FBXL7: variants seen among roughly 807,000 people sequenced by gnomAD.
FBXL7 encodes the protein F-box and leucine rich repeat protein 7, also known as F-box/LRR-repeat protein 7.
FBXL7 carries 12 observed loss-of-function variants against 38.3 expected under a neutral mutation model. That is an observed-to-expected ratio of 0.31 (90% CI 0.20 to 0.51). The LOEUF is 0.51. Among genes scored for constraint, FBXL7 ranks in the 20% least tolerant of loss-of-function variants. FBXL7 has a pLI of 0.98. For missense variants in FBXL7, 567 were observed against 676.4 expected, an observed-to-expected ratio of 0.84 and a Z score of 1.79; for synonymous variants, 297 against 300.9, an observed-to-expected ratio of 0.99 and a Z score of 0.13.
chr5:15,727,073 C>T (rs1046920826), intron 2 of FBXL7, among the ~76,000 whole-genome samples: 5 of 151,956 alleles, frequency 3.3e-5, no homozygotes, highest in African/African-American at 1.2e-4. Context: ...GAATTTATAC[C>T]AGCTTGGCTT....
intron 2 of FBXL7, among the ~76,000 whole-genome samples, chr5:15,794,492 A>C (rs1245218741): frequency 6.6e-6 from 1 of 152,238 alleles, no homozygotes; most frequent in Non-Finnish European, 1.5e-5. Context: ...AAATGACTGA[A>C]ATTTTAAAAG....
intron 2 of FBXL7, among the ~76,000 whole-genome samples, chr5:15,825,705 A>G (rs1192981612): frequency 6.6e-6 from 1 of 152,204 alleles, no homozygotes; most frequent in Non-Finnish European, 1.5e-5. Context: ...AGGCATTGTC[A>G]TCTGTTCCCT....
At chr5:15,501,569 C>G (rs2126339191) in intron 1 of FBXL7, 2 of 985,510 alleles carry the variant, frequency 2.0e-6, no homozygotes, top group East Asian at 1.1e-4. Flanking sequence ...TGGAAGAGAC[C>G]GGGTCAGTTT....
intron 3 of FBXL7, among the ~76,000 whole-genome samples, chr5:15,933,760 G>A (rs1742102479): frequency 1.3e-5 from 2 of 152,134 alleles, no homozygotes; most frequent in South Asian, 4.1e-4. Flanking sequence ...CTACCAGGAG[G>A]TGGGAGGAAG....
In FBXL7 at chr5:15,878,362, G is replaced by C. The variant is rs150371499; in HGVS notation, c.128-49528G>C. On this transcript the variant is annotated intron_variant, in intron 2 of 3. Coordinates refer to ENST00000504595, the MANE Select transcript of FBXL7 (RefSeq NM_012304.5). Reference sequence around the variant, plus strand: ...CTCAAAGTGATGCCCTACAAATAATGCCTTTCTGAGCTGTTAACCAAATAC... The same window carrying C: ...CTCAAAGTGATGCCCTACAAATAATCCCTTTCTGAGCTGTTAACCAAATAC... Among the ~76,000 whole-genome samples, 289 of 152,218 alleles carry C rather than the reference G, an allele frequency of 1.9e-3. 3 individuals are homozygous for C. The highest frequency in any genetic ancestry group is 6.6e-3 in the African/African-American group (274 of 41,530).
At chr5:15,604,793 G>A (rs1411084723) in intron 1 of FBXL7, among the ~76,000 whole-genome samples, 2 of 152,092 alleles carry the variant, frequency 1.3e-5, no homozygotes, top group Non-Finnish European at 2.9e-5. Flanking sequence ...GTATTGAGTG[G>A]GACAGTCCTT....
intron 2 of FBXL7, among the ~76,000 whole-genome samples, chr5:15,927,261 G>A (rs1042672098): frequency 6.6e-6 from 1 of 152,082 alleles, no homozygotes; most frequent in African/African-American, 2.4e-5. Flanking sequence ...TTGCAAGGGG[G>A]ACAGAGCCCA....
chr5:15,787,528 A>G (rs1190163564), intron 2 of FBXL7, among the ~76,000 whole-genome samples: 1 of 152,186 alleles, frequency 6.6e-6, no homozygotes, highest in Non-Finnish European at 1.5e-5. Flanking sequence ...AGGAGAAGGT[A>G]AGATCAAAAC....
intron 1 of FBXL7, chr5:15,501,728 G>A (rs909062335): frequency 3.1e-5 from 31 of 985,318 alleles, no homozygotes; most frequent in Middle Eastern, 1.0e-3. Flanking sequence ...CAGAATGTGG[G>A]TGTCTCTCCT....
chr5:15,693,642 C>T (rs1467317839), intron 2 of FBXL7, among the ~76,000 whole-genome samples: 1 of 152,146 alleles, frequency 6.6e-6, no homozygotes, highest in Non-Finnish European at 1.5e-5. Context: ...CAGTAAAAAC[C>T]CCAAGACCCT....
chr5:15,843,673 C>T (rs146109492), intron 2 of FBXL7, among the ~76,000 whole-genome samples: 39 of 152,178 alleles, frequency 2.6e-4, no homozygotes, highest in Non-Finnish European at 5.0e-4. Context: ...GAATTTGAGA[C>T]ATATTGCAAA....
chr5:15,726,485 G>C (rs1045394171), intron 2 of FBXL7, among the ~76,000 whole-genome samples: 1 of 152,084 alleles, frequency 6.6e-6, no homozygotes, highest in Non-Finnish European at 1.5e-5. Flanking sequence ...ACGAGATCAG[G>C]AGTTCGAGAC....
chr5:15,936,440 CTT>C lies in FBXL7; in HGVS notation c.740-8_740-7del, dbSNP rs748935681. The C allele has an allele frequency of 2.5e-5, 41 of 1,609,418 alleles. No individual in the cohort carries two copies. The highest frequency in any genetic ancestry group is 5.0e-5 in the Admixed American group (3 of 59,916). On this transcript the variant is annotated splice_polypyrimidine_tract_variant and splice_region_variant and intron_variant, in intron 3 of 3. Transcript: ENST00000504595. This position sits in a 1 kb window ranked among gnomAD's most constrained non-coding sequence, Gnocchi z 6.0. ...GTTGCTCTGAGCCTGTGTTCTGTCT[CTT>C]TGTGCAGGATGCTCCAAAGTGACCT...
intron 1 of FBXL7, among the ~76,000 whole-genome samples, chr5:15,528,580 T>C (rs983645766): frequency 3.9e-4 from 59 of 152,312 alleles, no homozygotes; most frequent in African/African-American, 1.4e-3. Context: ...GTAAACCCCT[T>C]ATAAAACCAT....
intron 2 of FBXL7, among the ~76,000 whole-genome samples, chr5:15,642,638 G>C (rs1031415624): frequency 6.6e-6 from 1 of 152,220 alleles, no homozygotes; most frequent in African/African-American, 2.4e-5. Context: ...TCTAGACTCA[G>C]TGGGTTGCCA....
chr5:15,763,502 T>C lies in FBXL7; in HGVS notation c.127+147430T>C, dbSNP rs1579442936. Among the ~76,000 whole-genome samples the C allele has an allele frequency of 2.0e-5, 3 of 152,174 alleles. No homozygotes were observed. In the East Asian group the frequency reaches 5.8e-4, roughly 29 times the overall value. Reference sequence around the variant, plus strand: ...TGGCGAGTTCCAGGTTATTGGTCTTTTGTTGAGAGACTACATCGAATATAA... The same window carrying C: ...TGGCGAGTTCCAGGTTATTGGTCTTCTGTTGAGAGACTACATCGAATATAA... On this transcript the variant is annotated intron_variant, in intron 2 of 3. Coordinates refer to ENST00000504595, the MANE Select transcript of FBXL7 (RefSeq NM_012304.5).
chr5:15,703,681 A>T (rs1451210298), intron 2 of FBXL7, among the ~76,000 whole-genome samples: 2 of 152,192 alleles, frequency 1.3e-5, no homozygotes. Flanking sequence ...AAGTTTTGGT[A>T]GAGTGAAGGC....
At chr5:15,681,301 A>G (rs747242971) in intron 2 of FBXL7, among the ~76,000 whole-genome samples, 4 of 152,238 alleles carry the variant, frequency 2.6e-5, no homozygotes, top group Non-Finnish European at 4.4e-5. Context: ...GATAATGTCA[A>G]CAACACAATT....
At chr5:15,515,814 A>G (rs1026423790) in intron 1 of FBXL7, among the ~76,000 whole-genome samples, 2 of 152,204 alleles carry the variant, frequency 1.3e-5, no homozygotes, top group Admixed American at 6.5e-5. Flanking sequence ...CTAAAAATTA[A>G]TATGTACTCA....
Sources: gnomAD v4.1 joint callset for allele counts (sites outside exome capture counted in the v4.1 genomes callset) on GRCh38, gnomAD v4.1.1 for gene constraint, Gnocchi (gnomAD v3.1) non-coding constraint, MANE v1.5 for transcripts, NCBI Gene and HGNC (gene_info 2026-07-23, HGNC 2026-07-21) for gene names.